The following MACROD2 variants were observed in gnomAD, a reference collection of about 807,000 sequenced individuals.
The protein encoded by MACROD2 is mono-ADP ribosylhydrolase 2.
MACROD2 carries 36 observed loss-of-function variants against 70.4 expected under a neutral mutation model. The ratio of observed to expected loss-of-function variants is 0.51; its 90% CI spans 0.39 to 0.68. MACROD2 has a LOEUF of 0.68. Among genes scored for constraint, MACROD2 ranks in the 30% least tolerant of loss-of-function variants. The probability of loss-of-function intolerance (pLI) is 0.00; values close to 1 mark genes in which losing one functional copy is unlikely to be tolerated. For synonymous variants in MACROD2, 172 were observed against 178.8 expected, an observed-to-expected ratio of 0.96 and a Z score of 0.30; for missense variants, 496 against 538.4, an observed-to-expected ratio of 0.92 and a Z score of 0.78.
At chr20:15,653,098 G>A (rs1297882977) in intron 8 of MACROD2, among the ~76,000 whole-genome samples, 2 of 152,044 alleles carry the variant, frequency 1.3e-5, no homozygotes, top group Non-Finnish European at 2.9e-5. Flanking sequence ...TCTCCTCTAG[G>A]CCCTACACAC....
At chr20:15,288,552 T>C (rs1176679274) in intron 6 of MACROD2, among the ~76,000 whole-genome samples, 1 of 152,146 alleles carries the variant, frequency 6.6e-6, no homozygotes, top group African/African-American at 2.4e-5. Flanking sequence ...TACCATCTAA[T>C]TGGTCGAAGG....
chr20:15,980,821 T>C (rs1250024570), intron 13 of MACROD2, among the ~76,000 whole-genome samples: 2 of 152,222 alleles, frequency 1.3e-5, no homozygotes, highest in Admixed American at 1.3e-4. Context: ...GCATTTCTTA[T>C]CTGAGTTTTT....
chr20:14,766,459 A>T (rs2072090997), intron 5 of MACROD2, among the ~76,000 whole-genome samples: 1 of 152,122 alleles, frequency 6.6e-6, no homozygotes, highest in African/African-American at 2.4e-5. Context: ...CGCCAGGAAG[A>T]AAAAGAGGGT....
intron 7 of MACROD2, among the ~76,000 whole-genome samples, chr20:15,435,267 A>G (rs6074891): frequency 0.18 from 27,297 of 152,186 alleles, 2,873 homozygotes; most frequent in Non-Finnish European, 0.25. Flanking sequence ...TACAGTAGAC[A>G]TAACTTAAAA....
intron 5 of MACROD2, among the ~76,000 whole-genome samples, chr20:15,196,214 A>G (rs2076605503): frequency 6.6e-6 from 1 of 152,120 alleles, no homozygotes; most frequent in African/African-American, 2.4e-5. Context: ...ACAAACCTGC[A>G]TATCCTGCAT....
intron 4 of MACROD2, among the ~76,000 whole-genome samples, chr20:14,682,770 C>T (rs2070949488): frequency 6.6e-6 from 1 of 151,968 alleles, no homozygotes; most frequent in African/African-American, 2.4e-5. Context: ...GTATTTTTTG[C>T]ACTTGTGTTA....
At chr20:16,037,660 G>T (rs943598064) in intron 15 of MACROD2, among the ~76,000 whole-genome samples, 2 of 151,738 alleles carry the variant, frequency 1.3e-5, no homozygotes, top group Non-Finnish European at 2.9e-5. Flanking sequence ...ATGAGATTTG[G>T]TCAAAGTTAT....
intron 3 of MACROD2, among the ~76,000 whole-genome samples, chr20:14,240,019 G>A (rs1157144696): frequency 6.6e-6 from 1 of 152,102 alleles, no homozygotes; most frequent in Non-Finnish European, 1.5e-5. Context: ...TGAAAAAGTG[G>A]GCAATGGACG....
intron 3 of MACROD2, among the ~76,000 whole-genome samples, chr20:14,215,524 C>G (rs1488194551): frequency 3.9e-5 from 6 of 152,038 alleles, no homozygotes; most frequent in African/African-American, 1.2e-4. Flanking sequence ...TAGGTACCCC[C>G]CCAGTAATGG....
At chr20:14,997,865 A>T (rs1272327147) in intron 5 of MACROD2, among the ~76,000 whole-genome samples, 1 of 152,148 alleles carries the variant, frequency 6.6e-6, no homozygotes, top group Non-Finnish European at 1.5e-5. Context: ...TATTTGTGTC[A>T]TCCTCCATCC....
At chr20:15,475,832 G>C (rs949766383) in intron 7 of MACROD2, among the ~76,000 whole-genome samples, 6 of 152,178 alleles carry the variant, frequency 3.9e-5, no homozygotes, top group Admixed American at 2.0e-4. Context: ...AATTCTGATG[G>C]CAGAAAACAT....
intron 5 of MACROD2, among the ~76,000 whole-genome samples, chr20:15,085,384 C>T (rs1015684165): frequency 3.3e-5 from 5 of 151,988 alleles, no homozygotes; most frequent in African/African-American, 9.7e-5. Context: ...AAAGAAAAAA[C>T]ATAGATAAAT....
At chr20:15,455,425 A>G (rs939514885) in intron 7 of MACROD2, among the ~76,000 whole-genome samples, 7 of 152,182 alleles carry the variant, frequency 4.6e-5, no homozygotes, top group Non-Finnish European at 8.8e-5. Flanking sequence ...AGGCAGGAAT[A>G]CAAGTGTCTC....
At chr20:15,106,457 A>C (rs1053656908) in intron 5 of MACROD2, among the ~76,000 whole-genome samples, 13 of 152,182 alleles carry the variant, frequency 8.5e-5, no homozygotes, top group Non-Finnish European at 1.9e-4. Context: ...ATGATTGGCT[A>C]TGCCATTCTG....
At chr20:15,695,294 A>G (rs1312615147) in intron 8 of MACROD2, among the ~76,000 whole-genome samples, 2 of 152,114 alleles carry the variant, frequency 1.3e-5, no homozygotes, top group Non-Finnish European at 2.9e-5. Context: ...TTGAATTTGT[A>G]CATTGCTTTT....
At chr20:14,854,419 C>G (rs1326881345) in intron 5 of MACROD2, among the ~76,000 whole-genome samples, 1 of 152,058 alleles carries the variant, frequency 6.6e-6, no homozygotes, top group Non-Finnish European at 1.5e-5. Flanking sequence ...ATCAATGACT[C>G]ATAGAATACT....
chr20:15,471,103 T>C (rs989267514), intron 7 of MACROD2, among the ~76,000 whole-genome samples: 1 of 152,212 alleles, frequency 6.6e-6, no homozygotes, highest in African/African-American at 2.4e-5. Flanking sequence ...TCTTTATTAG[T>C]CACTTAGTTC....
At chr20:14,123,599 G>A (rs1301713080) in intron 3 of MACROD2, among the ~76,000 whole-genome samples, 3 of 152,110 alleles carry the variant, frequency 2.0e-5, no homozygotes, top group East Asian at 1.9e-4. Context: ...CCTACCTAAC[G>A]AAGCCTTCTA....
chr20:14,609,865 C>A (rs960812219), intron 4 of MACROD2, among the ~76,000 whole-genome samples: 1 of 152,048 alleles, frequency 6.6e-6, no homozygotes, highest in Admixed American at 6.6e-5. Flanking sequence ...GAGAGAAAAT[C>A]CCAAGAATCA....
Sources: allele counts gnomAD v4.1 joint callset (sites outside exome capture counted in the v4.1 genomes callset), GRCh38; gene constraint gnomAD v4.1.1; transcripts MANE v1.5; gene names NCBI Gene and HGNC (gene_info 2026-07-23, HGNC 2026-07-21).